CTNNA2: variants seen among roughly 807,000 people sequenced by gnomAD.
CTNNA2 encodes catenin alpha 2, also known as catenin alpha-2.
CTNNA2 carries 42 observed loss-of-function variants against 101.0 expected under a neutral mutation model. That is an observed-to-expected ratio of 0.42 (90% CI 0.32 to 0.54). The LOEUF is 0.54. Among genes scored for constraint, CTNNA2 ranks in the 20% least tolerant of loss-of-function variants. CTNNA2 has a pLI of 0.14. For synonymous variants in CTNNA2, 450 were observed against 456.4 expected (o/e 0.99, Z 0.18); for missense variants, 871 against 1,223.1 (o/e 0.71, Z 4.29).
At chr2:79,355,111 A>G (rs1048435649) in intron 3 of CTNNA2, among the ~76,000 whole-genome samples, 3 of 152,132 alleles carry the variant, frequency 2.0e-5, no homozygotes, top group Non-Finnish European at 4.4e-5. Context: ...TACCAGTACC[A>G]TGCTGTTTTA....
At position 79,241,884 on chromosome 2, in the gene CTNNA2, ATTTTCTTTTC is replaced by A. The variant is rs3979579; in HGVS notation, c.-406+43833_-406+43842del. Among the ~76,000 whole-genome samples, 291 of 149,238 alleles carry A rather than the reference ATTTTCTTTTC, an allele frequency of 1.9e-3. 2 individuals carry two copies. Among genetic ancestry groups the A allele is most frequent in the African/African-American group, 5.5e-3 (225 of 40,584 alleles). ...AAACAGCATCGAATCACATTTGGGTATTTTCTTTTCTTTTCTTTTCTTTTCTTTTCTTTTT... is the reference window on the plus strand; with the variant it reads ...AAACAGCATCGAATCACATTTGGGTATTTTCTTTTCTTTTCTTTTCTTTTT... On this transcript the variant is annotated intron_variant, in intron 2 of 21. Coordinates refer to the CTNNA2 transcript ENST00000466387.
chr2:80,236,281 A>C (rs1236093213), intron 7 of CTNNA2, among the ~76,000 whole-genome samples: 4 of 152,060 alleles, frequency 2.6e-5, no homozygotes, highest in Non-Finnish European at 5.9e-5. Context: ...TTTGTGTGCA[A>C]GTGTCTTTAT....
chr2:79,820,022 T>C (rs1677878730), intron 3 of CTNNA2, among the ~76,000 whole-genome samples: 1 of 152,196 alleles, frequency 6.6e-6, no homozygotes, highest in Non-Finnish European at 1.5e-5. Flanking sequence ...ATCGTCTAGT[T>C]GGTTTATTTA....
At chr2:80,410,976 C>A (rs1679513411) in intron 8 of CTNNA2, among the ~76,000 whole-genome samples, 1 of 152,220 alleles carries the variant, frequency 6.6e-6, no homozygotes, top group Non-Finnish European at 1.5e-5. Flanking sequence ...GCTGCATTTG[C>A]AGCTTTCAAA....
chr2:80,052,481 GC>G (rs1396964075), intron 7 of CTNNA2, among the ~76,000 whole-genome samples: 3 of 152,222 alleles, frequency 2.0e-5, no homozygotes, highest in African/African-American at 7.2e-5. Context: ...GTGATTTGTT[GC>G]TGCTGATTTA....
intron 4 of CTNNA2, among the ~76,000 whole-genome samples, chr2:79,859,631 T>A (rs552039229): frequency 0.011 from 1,611 of 151,230 alleles, 10 homozygotes; most frequent in Middle Eastern, 0.034. Flanking sequence ...TTTTTATTTT[T>A]ATTTTTTCCT....
Position 79,577,607 on chromosome 2 carries a change from G to T in CTNNA2, c.-6+64400G>T, listed in dbSNP as rs540179475. 8.5e-4 allele frequency among the ~76,000 whole-genome samples: 129 copies of T among 151,668 alleles called. 1 individual carries two copies. Among genetic ancestry groups the T allele is most frequent in the African/African-American group, 2.9e-3 (121 of 41,332 alleles). The stretch of plus-strand genomic sequence containing the variant: ...CCCTATCCATTCTAAATTTTTTTTT[G>T]TAGATAGTCTAAGTATTATCTTAAA... On this transcript the variant is annotated intron_variant, in intron 1 of 18. Coordinates refer to ENST00000402739, the MANE Select transcript of CTNNA2 (RefSeq NM_001282597.3).
intron 1 of CTNNA2, among the ~76,000 whole-genome samples, chr2:79,592,294 T>G (rs1195292631): frequency 2.0e-5 from 3 of 151,774 alleles, no homozygotes; most frequent in Non-Finnish European, 4.4e-5. Flanking sequence ...CTAATTTTTT[T>G]TTTAATTTTG....
chr2:79,823,842 G>T (rs1407919416), intron 3 of CTNNA2, among the ~76,000 whole-genome samples: 1 of 152,002 alleles, frequency 6.6e-6, no homozygotes, highest in East Asian at 1.9e-4. Context: ...ATCACCAATT[G>T]CTCTGGGTAG....
chr2:79,611,761 A>G (rs1678291146), intron 1 of CTNNA2, among the ~76,000 whole-genome samples: 1 of 152,182 alleles, frequency 6.6e-6, no homozygotes, highest in South Asian at 2.1e-4. Context: ...CTGCAGTATG[A>G]GAAGCATAAA....
chr2:79,823,278 G>T (rs982248926), intron 3 of CTNNA2, among the ~76,000 whole-genome samples: 16 of 152,158 alleles, frequency 1.1e-4, no homozygotes, highest in African/African-American at 3.6e-4. Context: ...AAGATTGTAG[G>T]ATATTTGTGA....
intron 9 of CTNNA2, among the ~76,000 whole-genome samples, chr2:80,513,011 T>G (rs910415137): frequency 1.3e-5 from 2 of 152,186 alleles, no homozygotes; most frequent in Non-Finnish European, 2.9e-5. Context: ...GCATCTTCTC[T>G]TTCCCTTAAC....
intron 3 of CTNNA2, among the ~76,000 whole-genome samples, chr2:79,845,586 A>C (rs1041124309): frequency 1.3e-5 from 2 of 152,056 alleles, no homozygotes; most frequent in Non-Finnish European, 2.9e-5. Context: ...GTTTGTTTTA[A>C]CTTTATTTTA....
chr2:80,100,010 A>C (rs1370939529), intron 7 of CTNNA2, among the ~76,000 whole-genome samples: 4 of 151,866 alleles, frequency 2.6e-5, no homozygotes, highest in Non-Finnish European at 5.9e-5. Flanking sequence ...GCTCACTGCA[A>C]CCTCCACCTC....
chr2:80,083,697 A>C (rs745804826), intron 7 of CTNNA2, among the ~76,000 whole-genome samples: 1 of 152,306 alleles, frequency 6.6e-6, no homozygotes, highest in Non-Finnish European at 1.5e-5. Context: ...ATATGTGTAT[A>C]ATTCCATGTG....
intron 2 of CTNNA2, among the ~76,000 whole-genome samples, chr2:79,260,599 A>G (rs1465283239): frequency 6.6e-6 from 1 of 152,138 alleles, no homozygotes; most frequent in Non-Finnish European, 1.5e-5. Context: ...ACTTTTTTTT[A>G]ACTGAACATT....
At chr2:79,734,064 C>A (rs534195825) in intron 2 of CTNNA2, among the ~76,000 whole-genome samples, 1 of 152,102 alleles carries the variant, frequency 6.6e-6, no homozygotes, top group Non-Finnish European at 1.5e-5. Flanking sequence ...AATAGTGATT[C>A]ATCAATGGAA....
intron 9 of CTNNA2, among the ~76,000 whole-genome samples, chr2:80,518,884 TA>T (rs1470675521): frequency 1.3e-5 from 2 of 152,204 alleles, no homozygotes; most frequent in Non-Finnish European, 2.9e-5. Context: ...CTGATTGTAA[TA>T]GACTTATCTG....
At chr2:79,808,867 GC>G (rs1312298480) in intron 3 of CTNNA2, among the ~76,000 whole-genome samples, 1 of 151,792 alleles carries the variant, frequency 6.6e-6, no homozygotes, top group Non-Finnish European at 1.5e-5. Context: ...GTATACACGT[GC>G]CATGGTGGTT....
Sources: gnomAD v4.1 joint callset for allele counts (sites outside exome capture counted in the v4.1 genomes callset) on GRCh38, gnomAD v4.1.1 for gene constraint, MANE v1.5 for transcripts, NCBI Gene and HGNC (gene_info 2026-07-23, HGNC 2026-07-21) for gene names.